RASA2: variants seen among roughly 807,000 people sequenced by gnomAD.
RASA2 encodes the protein ras GTPase-activating protein 2.
RASA2 carries 155 observed loss-of-function variants against 118.2 expected under a neutral mutation model. That is an observed-to-expected ratio of 1.31 (90% CI 1.15 to 1.50). The LOEUF (loss-of-function observed/expected upper bound fraction) is 1.50. Among genes scored for constraint, RASA2 ranks in the 40% most tolerant of loss-of-function variants. The pLI is 0.00. For missense variants in RASA2, 1,016 were observed against 1,009.6 expected (o/e 1.01, Z -0.09); for synonymous variants, 353 against 349.1 (o/e 1.01, Z -0.12).
intron 19 of RASA2, among the ~76,000 whole-genome samples, chr3:141,591,142 C>G (rs1176557506): frequency 6.6e-6 from 1 of 152,196 alleles, no homozygotes; most frequent in African/African-American, 2.4e-5. Context: ...GTTCTAGCCT[C>G]TTTATGTCTC....
In RASA2 at chr3:141,487,096, G is replaced by A. The variant is rs1335723224; in HGVS notation, c.13G>A (p.Ala5Thr). The stretch of plus-strand genomic sequence containing the variant: ...GCCGGGCGGCACCATGGCGGCGGCG[G>A]CGCCTGCTGCTGCGGCGGCTTCTTC... Reference protein sequence around the residue: MAAAAPAAAAASSEA... With the variant: MAAATPAAAAASSEA... The change falls in exon 1 of 24, where the codon GCG (alanine) becomes ACG (threonine). Residue 5 changes from alanine (A) to threonine (T), a missense_variant. By Grantham distance (58) the Ala-to-Thr change is moderately conservative (BLOSUM62 0). Around this residue, in one of 2 missense-constraint regions of RASA2, gnomAD observed 896 missense variants for 836.4 expected, o/e 1.07. Transcript: ENST00000286364. 7.2e-7 allele frequency: 1 copy of A among 1,380,858 alleles called. No individual in the cohort carries two copies. The highest frequency in any genetic ancestry group is 1.5e-5 in the African/African-American group (1 of 65,940). The allele number at this position is 1,380,858 out of a possible 1,614,324, so 85.5% of individuals were successfully genotyped here.
intron 19 of RASA2, among the ~76,000 whole-genome samples, chr3:141,606,865 G>A (rs2083557060): frequency 1.3e-5 from 2 of 152,130 alleles, no homozygotes; most frequent in Admixed American, 6.5e-5. Context: ...AAGCTTGGGG[G>A]TGAAATAAAA....
chr3:141,598,957 G>A (rs898486155), intron 19 of RASA2, among the ~76,000 whole-genome samples: 1 of 151,970 alleles, frequency 6.6e-6, no homozygotes, highest in South Asian at 2.1e-4. Flanking sequence ...GCGTCGTGGT[G>A]CATGCCTGTA....
At chr3:141,501,867 TTTG>T (rs1222379576) in intron 1 of RASA2, among the ~76,000 whole-genome samples, 6 of 152,148 alleles carry the variant, frequency 3.9e-5, no homozygotes, top group Non-Finnish European at 7.4e-5. Flanking sequence ...CTCTTTTTTT[TTTG>T]TTGTTGTTGT....
intron 1 of RASA2, among the ~76,000 whole-genome samples, chr3:141,494,518 G>A (rs1162624825): frequency 2.0e-5 from 3 of 152,066 alleles, no homozygotes; most frequent in Non-Finnish European, 2.9e-5. Flanking sequence ...ACAGGCATGT[G>A]CCACCACGCC....
intron 19 of RASA2, among the ~76,000 whole-genome samples, chr3:141,599,983 A>G (rs1240405255): frequency 1.3e-5 from 2 of 152,220 alleles, no homozygotes; most frequent in African/African-American, 2.4e-5. Context: ...CTTAAATACC[A>G]GATACATTTT....
intron 19 of RASA2, among the ~76,000 whole-genome samples, chr3:141,607,108 T>G (rs922390369): frequency 6.6e-6 from 1 of 152,158 alleles, no homozygotes; most frequent in Non-Finnish European, 1.5e-5. Flanking sequence ...CAGATAAGAT[T>G]TTTACTTTTT....
intron 1 of RASA2, among the ~76,000 whole-genome samples, chr3:141,495,890 T>A (rs968196961): frequency 3.3e-5 from 5 of 152,224 alleles, no homozygotes; most frequent in African/African-American, 1.2e-4. Flanking sequence ...ATATCTATGT[T>A]ATGAAAGGAA....
At position 141,613,177 on chromosome 3, in the gene RASA2, A is replaced by G. The variant is rs893268540; in HGVS notation, c.*864A>G. ...ACTATTTCATGTTGTAATAAGGGCC[A>G]CCATAAGGATGCCCTCCTCATAGTG... On this transcript the variant is annotated 3_prime_UTR_variant, in exon 24 of 24. Transcript: ENST00000286364. 5 of 152,156 alleles carry G rather than the reference A, an allele frequency of 3.3e-5. No homozygotes were observed. The highest frequency in any genetic ancestry group is 4.4e-5 in the Non-Finnish European group (3 of 68,020). The allele number at this position is 152,156 out of a possible 1,614,324, so 9.4% of individuals were successfully genotyped here.
chr3:141,547,418 C>G (rs879903872), intron 5 of RASA2, among the ~76,000 whole-genome samples: 2 of 152,066 alleles, frequency 1.3e-5, no homozygotes, highest in African/African-American at 2.4e-5. Flanking sequence ...TCTTTCACTT[C>G]TGTGGTTAAT....
At chr3:141,550,367 A>G (rs1184356321) in intron 5 of RASA2, among the ~76,000 whole-genome samples, 1 of 152,242 alleles carries the variant, frequency 6.6e-6, no homozygotes, top group African/African-American at 2.4e-5. Flanking sequence ...TAACTGGCCA[A>G]TACTGGCAAG....
rs1270258940 is a variant in RASA2, at chr3:141,487,052, C to A, written c.-32C>A. ...GCTCCGCCTCGCCCGGCTACGCAGGCGGCAGGGCTGCGGCACGGGCCGGGC... is the reference window on the plus strand; with the variant it reads ...GCTCCGCCTCGCCCGGCTACGCAGGAGGCAGGGCTGCGGCACGGGCCGGGC... On this transcript the variant is annotated 5_prime_UTR_variant, in exon 1 of 24. Transcript: ENST00000286364. 2.5e-6 allele frequency: 3 copies of A among 1,217,648 alleles called. No homozygotes were observed. Among genetic ancestry groups the A allele is most frequent in the Middle Eastern group, 3.4e-4 (1 of 2,908 alleles). The allele number at this position is 1,217,648 out of a possible 1,614,324, so 75.4% of individuals were successfully genotyped here. A position where few individuals can be genotyped will look rare whatever the true frequency, so the allele number is the denominator to read the frequency against.
intron 19 of RASA2, among the ~76,000 whole-genome samples, chr3:141,589,670 A>G (rs2083258366): frequency 1.3e-5 from 2 of 151,970 alleles, no homozygotes; most frequent in Admixed American, 6.6e-5. Context: ...GTGAAACCCC[A>G]TGTCTACCAA....
intron 14 of RASA2, 124 bp from the exon 15 acceptor site, chr3:141,576,876 T>C: frequency 2.1e-6 from 1 of 475,004 alleles, no homozygotes; most frequent in Non-Finnish European, 3.6e-6. Flanking sequence ...TTTCATCAAC[T>C]CAGTTCTTAC....
At chr3:141,487,365 G>A (rs117367539) in intron 1 of RASA2, 149 bp downstream of exon 1, 2 of 937,796 alleles carry the variant, frequency 2.1e-6, no homozygotes, top group Non-Finnish European at 2.7e-6. Flanking sequence ...AGGCTGGAAG[G>A]GGGTGTGTTG....
intron 4 of RASA2, 76 bp downstream of exon 4, chr3:141,529,878 A>T: frequency 8.8e-7 from 1 of 1,134,034 alleles, no homozygotes; most frequent in South Asian, 1.3e-5. Flanking sequence ...AAACTGGTTC[A>T]TGTAAATAGA....
intron 5 of RASA2, among the ~76,000 whole-genome samples, chr3:141,541,403 A>T (rs2082403279): frequency 6.6e-6 from 1 of 152,042 alleles, no homozygotes; most frequent in South Asian, 2.1e-4. Context: ...GTATATAAAT[A>T]TGTCTGTTTG....
chr3:141,487,981 G>A (rs910237061), intron 1 of RASA2, among the ~76,000 whole-genome samples: 1 of 152,280 alleles, frequency 6.6e-6, no homozygotes, highest in Middle Eastern at 3.4e-3. Context: ...CACCCAGCCC[G>A]CACTCAGCCC....
chr3:141,594,364 AT>A (rs11400810), intron 19 of RASA2, among the ~76,000 whole-genome samples: 12 of 150,198 alleles, frequency 8.0e-5, no homozygotes, highest in African/African-American at 1.5e-4. Flanking sequence ...AAAAAAAAAA[AT>A]TTTTTTTTGA....
Sources: allele counts gnomAD v4.1 joint callset (sites outside exome capture counted in the v4.1 genomes callset), GRCh38; gene constraint gnomAD v4.1.1; regional missense constraint gnomAD v4.1.1; transcripts MANE v1.5; gene names NCBI Gene and HGNC (gene_info 2026-07-23, HGNC 2026-07-21).